Variants in PDE1C observed in about 807,000 individuals in gnomAD.
The protein encoded by PDE1C is phosphodiesterase 1C.
PDE1C carries 62 observed loss-of-function variants against 93.1 expected under a neutral mutation model. The ratio of observed to expected loss-of-function variants is 0.67; its 90% confidence interval spans 0.54 to 0.82. PDE1C has a LOEUF of 0.82. Among genes scored for constraint, PDE1C ranks in the 40% least tolerant of loss-of-function variants. The pLI, the probability that PDE1C is intolerant of heterozygous loss-of-function variation, is 0.00. For missense variants in PDE1C, 742 were observed against 884.6 expected (o/e 0.84, Z 2.04); for synonymous variants, 325 against 310.1 (o/e 1.05, Z -0.50).
intron 2 of PDE1C, among the ~76,000 whole-genome samples, chr7:31,883,407 G>C (rs956423614): frequency 3.3e-5 from 5 of 152,098 alleles, no homozygotes; most frequent in Non-Finnish European, 5.9e-5. Context: ...AAAAGATTCT[G>C]GAAAGAAGAG....
At chr7:32,311,146 A>T (rs966227933) in intron 1 of PDE1C, among the ~76,000 whole-genome samples, 1 of 152,234 alleles carries the variant, frequency 6.6e-6, no homozygotes, top group African/African-American at 2.4e-5. Context: ...TAAACTAGAA[A>T]ATCTAGAAGA....
chr7:32,425,074 A>G (rs957532920), intron 1 of PDE1C, among the ~76,000 whole-genome samples: 1 of 152,036 alleles, frequency 6.6e-6, no homozygotes. Context: ...ATCCAGCAAT[A>G]CTGTTTATGT....
At chr7:31,754,699 A>C (rs552056492) in intron 17 of PDE1C, among the ~76,000 whole-genome samples, 1 of 152,356 alleles carries the variant, frequency 6.6e-6, no homozygotes, top group South Asian at 2.1e-4. Context: ...ATAACTATAG[A>C]GATGATAAAA....
the PDE1C span, among the ~76,000 whole-genome samples, chr7:31,638,097 C>T: frequency 2.6e-5 from 4 of 152,074 alleles, no homozygotes; most frequent in Non-Finnish European, 5.9e-5. Flanking sequence ...TTGCATAGTA[C>T]TGAAAAAACA....
At chr7:32,332,454 G>GTT (rs527649988) in intron 1 of PDE1C, among the ~76,000 whole-genome samples, 7 of 146,906 alleles carry the variant, frequency 4.8e-5, no homozygotes, top group Admixed American at 2.7e-4. Flanking sequence ...GATACAACAG[G>GTT]TTTTTTTTTT....
intron 2 of PDE1C, among the ~76,000 whole-genome samples, chr7:31,956,673 A>C (rs1461997474): frequency 6.6e-6 from 1 of 152,098 alleles, no homozygotes; most frequent in Non-Finnish European, 1.5e-5. Context: ...AAAACAAAAA[A>C]AAAACCAGAA....
the PDE1C span, among the ~76,000 whole-genome samples, chr7:31,686,464 C>T: frequency 2.0e-5 from 3 of 152,338 alleles, no homozygotes; most frequent in East Asian, 1.9e-4. Context: ...TTCTGGCCTG[C>T]ACACTATAAC....
At chr7:31,709,993 A>G in the PDE1C span, among the ~76,000 whole-genome samples, 1 of 152,194 alleles carries the variant, frequency 6.6e-6, no homozygotes, top group East Asian at 1.9e-4. Flanking sequence ...CCACAAAAAA[A>G]TTAAAAATAA....
chr7:32,123,596 G>GA (rs1255962532), intron 3 of PDE1C, among the ~76,000 whole-genome samples: 4 of 151,916 alleles, frequency 2.6e-5, no homozygotes, highest in Non-Finnish European at 4.4e-5. Flanking sequence ...CAGAACCAAA[G>GA]AAAAAAATCA....
chr7:31,643,698 C>G, the PDE1C span: 1 of 1,614,052 alleles, frequency 6.2e-7, no homozygotes, highest in East Asian at 2.2e-5. Flanking sequence ...CACATGGGCC[C>G]CAGCCCCTCA....
At chr7:32,147,300 G>GAAAGAAAGAAAGAAAAAGAAA (rs1563352780) in intron 3 of PDE1C, among the ~76,000 whole-genome samples, 1 of 137,730 alleles carries the variant, frequency 7.3e-6, no homozygotes, top group African/African-American at 2.8e-5. Flanking sequence ...AAGAAAGAAA[G>GAAAGAAAGAAAGAAAAAGAAA]AAAGAAAGAA....
rs1455239728 is a variant in PDE1C, at chr7:31,997,734, AT to A, written c.128+53819del. Among the ~76,000 whole-genome samples, 3 of 152,174 alleles carry A rather than the reference AT, an allele frequency of 2.0e-5. No homozygotes were observed. In the East Asian group the frequency reaches 5.8e-4, roughly 29 times the overall value. ...ACCATTATTTGAGTGTTTCACCCAGATAGTGGACCATCCCACCTACACAGAG... is the reference window on the plus strand; with the variant it reads ...ACCATTATTTGAGTGTTTCACCCAGAAGTGGACCATCCCACCTACACAGAG... On this transcript the variant is annotated intron_variant, in intron 2 of 17. Coordinates refer to ENST00000396191, the MANE Select transcript of PDE1C (RefSeq NM_001191057.4).
chr7:32,117,588 T>G (rs1329705909), intron 3 of PDE1C, among the ~76,000 whole-genome samples: 2 of 152,224 alleles, frequency 1.3e-5, no homozygotes, highest in African/African-American at 2.4e-5. Flanking sequence ...ACCACAAATG[T>G]GGACACACAC....
chr7:31,623,159 G>A, the PDE1C span, among the ~76,000 whole-genome samples: 9 of 152,164 alleles, frequency 5.9e-5, no homozygotes, highest in South Asian at 6.2e-4. Context: ...ATTCACAGCC[G>A]AATTCTACCA....
At chr7:31,987,532 G>A (rs182637309) in intron 2 of PDE1C, among the ~76,000 whole-genome samples, 3 of 152,172 alleles carry the variant, frequency 2.0e-5, no homozygotes, top group African/African-American at 7.2e-5. Context: ...AAAGTCTCCA[G>A]CTGCAGTCTC....
At chr7:31,654,368 G>A in the PDE1C span, among the ~76,000 whole-genome samples, 3 of 152,208 alleles carry the variant, frequency 2.0e-5, no homozygotes. Flanking sequence ...GGAAGGCTGA[G>A]AGGGGATCGG....
At chr7:31,756,214 G>C (rs1288005379) in intron 17 of PDE1C, among the ~76,000 whole-genome samples, 5 of 152,112 alleles carry the variant, frequency 3.3e-5, no homozygotes, top group South Asian at 2.1e-4. Context: ...ACTTTATATA[G>C]AGAAATCTAG....
intron 1 of PDE1C, among the ~76,000 whole-genome samples, chr7:32,246,171 G>A (rs534441712): frequency 2.6e-5 from 4 of 152,014 alleles, no homozygotes; most frequent in African/African-American, 7.2e-5. Flanking sequence ...GTTTCACTAT[G>A]TTTCCCAGGC....
intron 17 of PDE1C, among the ~76,000 whole-genome samples, chr7:31,768,861 T>A (rs1795306533): frequency 6.6e-6 from 1 of 152,080 alleles, no homozygotes; most frequent in Non-Finnish European, 1.5e-5. Context: ...AATGGTACAA[T>A]CTCAGCTCAC....
Sources: gnomAD v4.1 joint callset for allele counts (sites outside exome capture counted in the v4.1 genomes callset) on GRCh38, gnomAD v4.1.1 for gene constraint, MANE v1.5 for transcripts, NCBI Gene and HGNC (gene_info 2026-07-23, HGNC 2026-07-21) for gene names.